The following STON2 variants were observed in gnomAD, a reference collection of about 807,000 sequenced individuals.
STON2 encodes the protein stonin 2.
STON2 carries 29 observed loss-of-function variants against 65.7 expected under a neutral mutation model. That is an observed-to-expected ratio of 0.44 (90% CI 0.33 to 0.60). The LOEUF (loss-of-function observed/expected upper bound fraction) is 0.60. Among genes scored for constraint, STON2 ranks in the 20% least tolerant of loss-of-function variants. The pLI is 0.03. For synonymous variants in STON2, 404 were observed against 414.2 expected (o/e 0.98, Z 0.30); for missense variants, 1,054 against 1,118.1 (o/e 0.94, Z 0.82).
At chr14:81,420,036 C>T (rs1169371825) in intron 2 of STON2, among the ~76,000 whole-genome samples, 1 of 152,192 alleles carries the variant, frequency 6.6e-6, no homozygotes, top group Non-Finnish European at 1.5e-5. Flanking sequence ...GGTCAGAGTT[C>T]ACACCATGTT....
chr14:81,361,449 CAGA>C (rs2140340646), intron 4 of STON2, among the ~76,000 whole-genome samples: 1 of 152,092 alleles, frequency 6.6e-6, no homozygotes, highest in East Asian at 1.9e-4. Context: ...TATCCACATG[CAGA>C]AGAATAAAAT....
At chr14:81,316,803 G>A (rs543135799) in intron 5 of STON2, among the ~76,000 whole-genome samples, 3 of 152,224 alleles carry the variant, frequency 2.0e-5, no homozygotes, top group South Asian at 4.2e-4. Context: ...GGTGGATCAC[G>A]AGGTCAAGAG....
At position 81,270,805 on chromosome 14, in the gene STON2, T is replaced by C. The variant is rs1354433180; in HGVS notation, c.2649A>G (p.Arg883=). Residue 883 remains arginine (R), a synonymous_variant, in exon 7 of 8, where the codon AGA becomes AGG. Coordinates refer to ENST00000614646, the MANE Select transcript of STON2 (RefSeq NM_001394390.1). ...ACTCGACATTCACGTGATTGGCAAATCTGGAAGGCACTTCCCGGTCAGAGC... is the reference window on the plus strand; with the variant it reads ...ACTCGACATTCACGTGATTGGCAAACCTGGAAGGCACTTCCCGGTCAGAGC... ...ELGSDREVPS[R]FANHVNVEFS... The C allele has an allele frequency of 1.2e-6, 2 of 1,613,836 alleles. No homozygotes were observed. Among genetic ancestry groups the C allele is most frequent in the Non-Finnish European group, 1.7e-6 (2 of 1,180,026 alleles).
intron 4 of STON2, among the ~76,000 whole-genome samples, chr14:81,357,555 T>C (rs867920786): frequency 6.6e-6 from 1 of 151,826 alleles, no homozygotes; most frequent in Admixed American, 6.6e-5. Flanking sequence ...ACTGGGTATA[T>C]ACCCAAAGGA....
chr14:81,264,742 T>C lies in STON2; in HGVS notation c.*3672A>G, dbSNP rs944960185. The C allele has an allele frequency of 4.5e-5, 44 of 985,118 alleles. 1 individual carries two copies. The Admixed American group carries it at 1.8e-3, about 40-fold the overall frequency. The allele number at this position is 985,118 out of a possible 1,614,324, so 61.0% of individuals were successfully genotyped here. A position where few individuals can be genotyped will look rare whatever the true frequency, so the allele number is the denominator to read the frequency against. On this transcript the variant is annotated 3_prime_UTR_variant, in exon 8 of 8. Coordinates refer to ENST00000614646, the MANE Select transcript of STON2 (RefSeq NM_001394390.1). ...AAGGCACAGTAAGGGAAGAGCCAAA[T>C]AGAAAAAATGAAACTGTCCAGATAA...
At chr14:81,317,529 T>C (rs745832379) in intron 5 of STON2, among the ~76,000 whole-genome samples, 1 of 152,258 alleles carries the variant, frequency 6.6e-6, no homozygotes, top group Non-Finnish European at 1.5e-5. Flanking sequence ...CTCAATCATA[T>C]GTGACAACAC....
chr14:81,351,811 C>T (rs935656514), intron 4 of STON2, among the ~76,000 whole-genome samples: 5 of 152,136 alleles, frequency 3.3e-5, no homozygotes, highest in African/African-American at 1.2e-4. Context: ...CAGTGGCTGG[C>T]ACATAGTAGT....
intron 4 of STON2, among the ~76,000 whole-genome samples, chr14:81,359,129 A>G (rs1033553190): frequency 6.6e-6 from 1 of 152,220 alleles, no homozygotes; most frequent in Non-Finnish European, 1.5e-5. Context: ...AGTATAGATC[A>G]TATGTTGGGT....
chr14:81,302,649 G>T (rs938377810), intron 5 of STON2, among the ~76,000 whole-genome samples: 1 of 152,180 alleles, frequency 6.6e-6, no homozygotes, highest in African/African-American at 2.4e-5. Context: ...GATACAGAGG[G>T]TGTTTACATC....
intron 5 of STON2, among the ~76,000 whole-genome samples, chr14:81,302,551 G>A (rs1015206045): frequency 6.6e-6 from 1 of 152,234 alleles, no homozygotes; most frequent in Non-Finnish European, 1.5e-5. Context: ...ACTCATTAAA[G>A]TAAGAGAATG....
intron 4 of STON2, among the ~76,000 whole-genome samples, chr14:81,334,392 G>A (rs1897302406): frequency 6.6e-6 from 1 of 152,184 alleles, no homozygotes; most frequent in Non-Finnish European, 1.5e-5. Flanking sequence ...CAACACAGAG[G>A]AAGTGGGTAA....
At chr14:81,419,149 T>C (rs1018610536) in intron 2 of STON2, among the ~76,000 whole-genome samples, 21 of 152,230 alleles carry the variant, frequency 1.4e-4, no homozygotes, top group African/African-American at 5.1e-4. Context: ...TTAATAACTA[T>C]AACTAATATC....
intron 2 of STON2, among the ~76,000 whole-genome samples, chr14:81,419,222 C>T (rs984522710): frequency 9.2e-5 from 14 of 152,180 alleles, no homozygotes; most frequent in Non-Finnish European, 7.3e-5. Flanking sequence ...CTTGTCCCAT[C>T]TTTACAACAG....
intron 2 of STON2, among the ~76,000 whole-genome samples, chr14:81,409,400 A>G (rs532001209): frequency 1.4e-4 from 20 of 147,204 alleles, no homozygotes; most frequent in African/African-American, 5.1e-4. Flanking sequence ...GTGAGACTCC[A>G]TCTCAAAAAA....
Position 81,267,913 on chromosome 14 carries a change from A to G in STON2, c.*501T>C, listed in dbSNP as rs915370265. On this transcript the variant is annotated 3_prime_UTR_variant, in exon 8 of 8. Coordinates refer to ENST00000614646, the MANE Select transcript of STON2 (RefSeq NM_001394390.1). ...CTCAAAAAGGTCTAGTAAGACCCAA[A>G]GAGGAAATTTGTTTTGCACCTTTTC... 2.0e-6 allele frequency: 2 copies of G among 985,554 alleles called. No individual in the cohort carries two copies. The highest frequency in any genetic ancestry group is 3.5e-5 in the African/African-American group (2 of 57,246). The allele number at this position is 985,554 out of a possible 1,614,324, so 61.1% of individuals were successfully genotyped here.
intron 4 of STON2, among the ~76,000 whole-genome samples, chr14:81,328,681 A>G (rs1897088615): frequency 6.6e-6 from 1 of 151,846 alleles, no homozygotes; most frequent in East Asian, 1.9e-4. Context: ...CTAATGGGGG[A>G]TGTATGGGTA....
intron 4 of STON2, among the ~76,000 whole-genome samples, chr14:81,351,736 G>T (rs191737946): frequency 6.6e-6 from 1 of 152,164 alleles, no homozygotes; most frequent in Admixed American, 6.5e-5. Flanking sequence ...CAGTTCCCCA[G>T]TCCAGGCCAC....
intron 5 of STON2, among the ~76,000 whole-genome samples, chr14:81,312,310 G>A (rs1896456195): frequency 1.3e-5 from 2 of 152,116 alleles, no homozygotes; most frequent in South Asian, 2.1e-4. Flanking sequence ...GAGAAAGCCT[G>A]ACTTTGGCCA....
At chr14:81,281,010 CAAA>C (rs796161809) in intron 5 of STON2, among the ~76,000 whole-genome samples, 6 of 63,078 alleles carry the variant, frequency 9.5e-5, no homozygotes, top group Admixed American at 2.0e-4. Context: ...AACTCCGTCT[CAAA>C]AAAAAAAAAA....
Sources: gnomAD v4.1 joint callset for allele counts (sites outside exome capture counted in the v4.1 genomes callset) on GRCh38, gnomAD v4.1.1 for gene constraint, MANE v1.5 for transcripts, NCBI Gene and HGNC (gene_info 2026-07-23, HGNC 2026-07-21) for gene names.